Variants in SENP2 observed in about 807,000 individuals in gnomAD.
SENP2 encodes SUMO specific peptidase 2, also known as sentrin-specific protease 2.
A neutral mutation model predicts 86.3 loss-of-function variants in SENP2; 16 were observed. The ratio of observed to expected loss-of-function variants is 0.19; its 90% CI spans 0.13 to 0.28. SENP2 has a LOEUF of 0.28. SENP2 is among the 10% of genes least tolerant of loss of function. The pLI, the probability that SENP2 is intolerant of heterozygous loss-of-function variation, is 1.00. For synonymous variants in SENP2, 222 were observed against 238.7 expected (o/e 0.93, Z 0.64); for missense variants, 552 against 703.0 (o/e 0.79, Z 2.43).
intron 15 of SENP2, 135 bp downstream of exon 15, chr3:185,624,217 C>T (rs1482214021): frequency 4.5e-5 from 26 of 583,876 alleles, no homozygotes; most frequent in African/African-American, 4.4e-4. Flanking sequence ...TTCTTTCTTT[C>T]TTTTTTGTAG....
intron 8 of SENP2, 88 bp downstream of exon 8, chr3:185,611,833 T>A: frequency 1.1e-6 from 1 of 930,290 alleles, no homozygotes; most frequent in Non-Finnish European, 1.6e-6. Context: ...GACATTCAAG[T>A]GTAGATGGTG....
chr3:185,612,559 A>G (rs749114564), intron 8 of SENP2, 48 bp from the exon 9 acceptor site: 2 of 1,301,770 alleles, frequency 1.5e-6, no homozygotes, highest in Non-Finnish European at 1.1e-6. Context: ...TAACTATATT[A>G]TTCATCGATG....
chr3:185,588,832 G>T (rs1721884823), intron 1 of SENP2, among the ~76,000 whole-genome samples: 1 of 152,264 alleles, frequency 6.6e-6, no homozygotes, highest in African/African-American at 2.4e-5. Context: ...CCCTATTTAT[G>T]GAATAAGGGA....
chr3:185,614,452 G>A lies in SENP2; in HGVS notation c.934-112G>A. On this transcript the variant is annotated intron_variant, in intron 10 of 16. Transcript: ENST00000296257. ...GTAAATCTACTCACTTGGGGGATTT[G>A]CTAATTCTCTTTTCTTTCACATTAG... The A allele has an allele frequency of 2.9e-6, 3 of 1,048,352 alleles. No individual in the cohort carries two copies. The South Asian group carries it at 5.1e-5, about 18-fold the overall frequency. 64.9% of individuals were successfully genotyped at this position (1,048,352 alleles called of 1,614,324 possible).
rs948138295 is a variant in SENP2, at chr3:185,586,531, C to A, written c.101+17C>A. On this transcript the variant is annotated intron_variant, in intron 1 of 16. Coordinates refer to ENST00000296257, the MANE Select transcript of SENP2 (RefSeq NM_021627.3). This position sits in a 1 kb window ranked among gnomAD's most constrained non-coding sequence, Gnocchi z 4.3. ...CTCAGACAGGTGAGACGAGAGGGGG[C>A]TGAGCGCCAGCCTGGCCTTACCCCC... is the stretch of plus-strand genomic sequence containing the variant. 3 of 1,605,670 alleles carry A rather than the reference C, an allele frequency of 1.9e-6. No individual in the cohort carries two copies. The highest frequency in any genetic ancestry group is 2.6e-6 in the Non-Finnish European group (3 of 1,175,530).
intron 8 of SENP2, 156 bp from the exon 9 acceptor site, chr3:185,612,451 A>G: frequency 1.8e-6 from 1 of 568,592 alleles, no homozygotes; most frequent in Non-Finnish European, 3.2e-6. Context: ...TTTTTAGGCA[A>G]CTTAGTATAT....
chr3:185,591,363 A>AT (rs1721990112), intron 2 of SENP2, among the ~76,000 whole-genome samples: 1 of 151,176 alleles, frequency 6.6e-6, no homozygotes, highest in Non-Finnish European at 1.5e-5. Context: ...TTATTTATTT[A>AT]TTTTTTGAGA....
chr3:185,621,789 TTAAGA>T, intron 13 of SENP2, 32 bp from the exon 14 acceptor site: 1 of 1,262,384 alleles, frequency 7.9e-7, no homozygotes, highest in Non-Finnish European at 1.1e-6. Flanking sequence ...CCTCTTACAT[TTAAGA>T]TGTTTCTGGA....
At chr3:185,593,057 C>T (rs978907778) in intron 2 of SENP2, among the ~76,000 whole-genome samples, 8 of 152,114 alleles carry the variant, frequency 5.3e-5, no homozygotes, top group Admixed American at 2.0e-4. Flanking sequence ...TTCAGCTCAT[C>T]GAGTCTCAGT....
rs1159151916 is a variant in SENP2, at chr3:185,609,292, C to T, written c.664C>T (p.Arg222Ter). 1 of 1,613,690 alleles carries T rather than the reference C, an allele frequency of 6.2e-7. No homozygotes were observed. Among genetic ancestry groups the T allele is most frequent in the Non-Finnish European group, 8.5e-7 (1 of 1,179,792 alleles). ...EREKYRKLLE[R>*]LKESGHGNSV... ...AGAGAAGTACCGAAAGTTATTGGAA[C>T]GACTTAAAGAAAGTGGTCATGGAAA... Residue 222 changes from arginine to a stop codon, truncating the protein, a stop_gained, in exon 7 of 17, where the codon CGA becomes TGA. Transcript: ENST00000296257. LOFTEE classifies it high-confidence loss of function.
At chr3:185,587,901 A>G (rs1721847652) in intron 1 of SENP2, among the ~76,000 whole-genome samples, 1 of 147,340 alleles carries the variant, frequency 6.8e-6, no homozygotes, top group East Asian at 2.0e-4. Flanking sequence ...CACCCGGCTT[A>G]TATTTTTTGT....
At chr3:185,596,746 T>A (rs979289253) in intron 2 of SENP2, among the ~76,000 whole-genome samples, 3 of 152,198 alleles carry the variant, frequency 2.0e-5, no homozygotes, top group African/African-American at 7.2e-5. Context: ...GACAAGCTAG[T>A]GAGACTATGA....
At chr3:185,607,284 GAA>G (rs1190281664) in intron 6 of SENP2, among the ~76,000 whole-genome samples, 1 of 141,488 alleles carries the variant, frequency 7.1e-6, no homozygotes, top group African/African-American at 2.6e-5. Context: ...TAAGGAAGAA[GAA>G]AGAGTCATAT....
chr3:185,625,020 A>T (rs1452093077), intron 15 of SENP2, among the ~76,000 whole-genome samples: 1 of 152,160 alleles, frequency 6.6e-6, no homozygotes, highest in African/African-American at 2.4e-5. Context: ...TGTATATTGT[A>T]GTCTCTAGTT....
chr3:185,590,460 A>G (rs534389360), intron 2 of SENP2, among the ~76,000 whole-genome samples: 1 of 152,064 alleles, frequency 6.6e-6, no homozygotes, highest in South Asian at 2.1e-4. Flanking sequence ...AGGCAGGAGA[A>G]TCGCTTGAAC....
Position 185,616,441 on chromosome 3 carries a change from C to T in SENP2, c.1111-1039C>T, listed in dbSNP as rs1286090671. On this transcript the variant is annotated intron_variant, in intron 11 of 16. Coordinates refer to ENST00000296257, the MANE Select transcript of SENP2 (RefSeq NM_021627.3). ...AACTGAGATCATGCAGCTGCATGCA[C>T]TCCAGCCTGGGTGACAAAGTGAGAA... Among the ~76,000 whole-genome samples, 5 of 147,304 alleles carry T rather than the reference C, an allele frequency of 3.4e-5. No homozygotes were observed. In the East Asian group the frequency reaches 8.1e-4, roughly 24 times the overall value.
intron 5 of SENP2, among the ~76,000 whole-genome samples, chr3:185,603,431 C>T (rs1162752634): frequency 1.3e-5 from 2 of 152,056 alleles, no homozygotes; most frequent in African/African-American, 4.8e-5. Context: ...AATTAAGGTC[C>T]ATTCTACAAA....
At chr3:185,588,480 C>T (rs1721874916) in intron 1 of SENP2, among the ~76,000 whole-genome samples, 2 of 152,170 alleles carry the variant, frequency 1.3e-5, no homozygotes, top group Non-Finnish European at 2.9e-5. Flanking sequence ...CGTGAGCCAC[C>T]GGGCCCGGCC....
At chr3:185,596,126 C>T (rs1722165232) in intron 2 of SENP2, among the ~76,000 whole-genome samples, 1 of 151,968 alleles carries the variant, frequency 6.6e-6, no homozygotes, top group Non-Finnish European at 1.5e-5. Flanking sequence ...CCATGACGCC[C>T]AGCTAATTTT....
Sources: allele counts gnomAD v4.1 joint callset (sites outside exome capture counted in the v4.1 genomes callset), GRCh38; gene constraint gnomAD v4.1.1; non-coding constraint Gnocchi (gnomAD v3.1); transcripts MANE v1.5; gene names NCBI Gene and HGNC (gene_info 2026-07-23, HGNC 2026-07-21).